The following C1orf146 variants were observed in gnomAD, a reference collection of about 807,000 sequenced individuals.
C1orf146 encodes the protein chromosome 1 open reading frame 146.
A neutral mutation model predicts 23.0 loss-of-function variants in C1orf146; 22 were observed. That is an observed-to-expected ratio of 0.96 (90% CI 0.68 to 1.36). C1orf146 has a LOEUF of 1.36. Ranked by LOEUF, C1orf146 falls within the 40% of genes most tolerant of loss-of-function variation. The probability of loss-of-function intolerance (pLI) is 0.00; values close to 1 mark genes in which losing one functional copy is unlikely to be tolerated. For synonymous variants in C1orf146, 59 were observed against 65.3 expected, an observed-to-expected ratio of 0.90 and a Z score of 0.47; for missense variants, 199 against 206.8, an observed-to-expected ratio of 0.96 and a Z score of 0.23.
At chr1:92,233,100 G>T (rs1652175144) in intron 2 of C1orf146, among the ~76,000 whole-genome samples, 1 of 152,140 alleles carries the variant, frequency 6.6e-6, no homozygotes, top group Admixed American at 6.5e-5. Context: ...CTGTGCAGAA[G>T]CTCTTTAGTT....
At chr1:92,243,956 GAA>G (rs35711025) in intron 3 of C1orf146, among the ~76,000 whole-genome samples, 3 of 137,318 alleles carry the variant, frequency 2.2e-5, no homozygotes, top group Admixed American at 7.3e-5. Flanking sequence ...CTTCATCTAG[GAA>G]AAAAAAAAAA....
In C1orf146 at chr1:92,226,399, GCA is replaced by G. The variant is rs368243079; in HGVS notation, c.-39-4968_-39-4967del. Among the ~76,000 whole-genome samples, 1,095 of 146,218 alleles carry G rather than the reference GCA, an allele frequency of 7.5e-3. 14 individuals are homozygous for G. Among genetic ancestry groups the G allele is most frequent in the African/African-American group, 0.025 (1,041 of 40,982 alleles). ...TACTCACATGCATACATGCACGCAT[GCA>G]CACACACACACACATACACACACAC... is the stretch of plus-strand genomic sequence containing the variant. On this transcript the variant is annotated intron_variant, in intron 1 of 5. Coordinates refer to ENST00000370375, the MANE Select transcript of C1orf146 (RefSeq NM_001012425.2).
intron 3 of C1orf146, among the ~76,000 whole-genome samples, chr1:92,243,000 G>A (rs978626836): frequency 6.6e-6 from 1 of 152,166 alleles, no homozygotes; most frequent in Non-Finnish European, 1.5e-5. Flanking sequence ...AAGTGGTATC[G>A]CCTCAAACTT....
chr1:92,229,539 T>A, intron 1 of C1orf146: 1 of 396,028 alleles, frequency 2.5e-6, no homozygotes, highest in Non-Finnish European at 5.0e-6. Flanking sequence ...TAACTTTTCT[T>A]GATTTGTGCT....
intron 1 of C1orf146, among the ~76,000 whole-genome samples, chr1:92,219,524 GA>G (rs1651770935): frequency 5.0e-5 from 1 of 19,968 alleles, no homozygotes; most frequent in Non-Finnish European, 1.1e-4. Flanking sequence ...TTTTTTTTAA[GA>G]CAGAGTCTCG....
intron 1 of C1orf146, chr1:92,229,288 A>G: frequency 9.0e-6 from 5 of 553,192 alleles, no homozygotes; most frequent in Non-Finnish European, 1.8e-5. Context: ...TCCACATCAC[A>G]CTTCATGATG....
chr1:92,244,934 C>G, intron 5 of C1orf146, 77 bp downstream of exon 5: 1 of 822,652 alleles, frequency 1.2e-6, no homozygotes, highest in Non-Finnish European at 2.0e-6. Context: ...CCCTTTTGAG[C>G]GAGACTGGCA....
At chr1:92,239,911 C>A (rs1331720024) in intron 2 of C1orf146, among the ~76,000 whole-genome samples, 1 of 152,160 alleles carries the variant, frequency 6.6e-6, no homozygotes, top group Non-Finnish European at 1.5e-5. Flanking sequence ...AACCCAACTC[C>A]TAAGGCATCT....
Position 92,244,764 on chromosome 1 carries a change from T to A in C1orf146, c.330-15T>A. 6.6e-7 allele frequency: 1 copy of A among 1,519,644 alleles called. No individual in the cohort carries two copies. Among genetic ancestry groups the A allele is most frequent in the Non-Finnish European group, 9.1e-7 (1 of 1,095,050 alleles). The allele number at this position is 1,519,644 out of a possible 1,614,324, so 94.1% of individuals were successfully genotyped here. ...AGCAAGTTATATGATCTGTATAACATGAATTGTTTTTCAGATTCCTGGGTT... is the reference window on the plus strand; with the variant it reads ...AGCAAGTTATATGATCTGTATAACAAGAATTGTTTTTCAGATTCCTGGGTT... On this transcript the variant is annotated splice_polypyrimidine_tract_variant and intron_variant, in intron 4 of 5. Coordinates refer to ENST00000370375, the MANE Select transcript of C1orf146 (RefSeq NM_001012425.2).
intron 1 of C1orf146, among the ~76,000 whole-genome samples, chr1:92,226,004 T>G (rs1223729302): frequency 6.6e-6 from 1 of 152,216 alleles, no homozygotes; most frequent in Non-Finnish European, 1.5e-5. Context: ...GACTGCTATT[T>G]AAAAAATTTT....
At chr1:92,235,299 G>C (rs990674165) in intron 2 of C1orf146, among the ~76,000 whole-genome samples, 2 of 152,054 alleles carry the variant, frequency 1.3e-5, no homozygotes, top group Non-Finnish European at 2.9e-5. Context: ...CAGAGATTCT[G>C]GTATGTTGCG....
intron 1 of C1orf146, among the ~76,000 whole-genome samples, chr1:92,227,953 G>T (rs773128387): frequency 6.6e-6 from 1 of 151,794 alleles, no homozygotes; most frequent in Non-Finnish European, 1.5e-5. Flanking sequence ...AATTGACTTG[G>T]CCACTCTATT....
At chr1:92,218,796 A>T (rs568117684) in intron 1 of C1orf146, among the ~76,000 whole-genome samples, 53 of 152,104 alleles carry the variant, frequency 3.5e-4, no homozygotes, top group Non-Finnish European at 6.6e-4. Context: ...TCAGGTGAGG[A>T]TGCAGCCTAA....
At position 92,223,264 on chromosome 1, in the gene C1orf146, A is replaced by G. The variant is rs1299893663; in HGVS notation, c.-40+5216A>G. ...TATTTTCCAAGTGCTTGTACCATAT[A>G]CTTTCCAATTAGTAGTGTATGAGAG... On this transcript the variant is annotated intron_variant, in intron 1 of 5. Transcript: ENST00000370375. 2.6e-5 allele frequency among the ~76,000 whole-genome samples: 4 copies of G among 152,316 alleles called. No individual in the cohort carries two copies. The East Asian group carries it at 7.7e-4, about 29-fold the overall frequency.
intron 2 of C1orf146, among the ~76,000 whole-genome samples, chr1:92,233,064 G>A (rs1304123930): frequency 6.6e-6 from 1 of 151,990 alleles, no homozygotes; most frequent in African/African-American, 2.4e-5. Context: ...TGGGTTGCCT[G>A]TTCACTCTGA....
At chr1:92,234,557 TTGG>T (rs1570793575) in intron 2 of C1orf146, among the ~76,000 whole-genome samples, 1 of 152,234 alleles carries the variant, frequency 6.6e-6, no homozygotes, top group Admixed American at 6.5e-5. Context: ...ATCAAGGATA[TTGG>T]TCTAAAATTC....
At chr1:92,245,432 A>G in intron 5 of C1orf146, 108 bp from the exon 6 acceptor site, 1 of 828,302 alleles carries the variant, frequency 1.2e-6, no homozygotes, top group Non-Finnish European at 1.9e-6. Flanking sequence ...TAGCACAAAG[A>G]TGATCAAGAG....
chr1:92,229,956 A>C (rs1652070299), intron 1 of C1orf146, among the ~76,000 whole-genome samples: 1 of 152,202 alleles, frequency 6.6e-6, no homozygotes, highest in South Asian at 2.1e-4. Context: ...CATGCTACTA[A>C]GTTTATGGTA....
At position 92,244,542 on chromosome 1, in the gene C1orf146, C is replaced by T. The variant is rs553649684; in HGVS notation, c.329+157C>T. ...TGGGCCAAATAGCTATTCTATGAAT[C>T]GAGGTGACAGGGTTCATGATGTTGC... is the stretch of plus-strand genomic sequence containing the variant. On this transcript the variant is annotated intron_variant, in intron 4 of 5. Coordinates refer to ENST00000370375, the MANE Select transcript of C1orf146 (RefSeq NM_001012425.2). 2.6e-5 allele frequency among the ~76,000 whole-genome samples: 4 copies of T among 152,266 alleles called. No homozygotes were observed. In the South Asian group the frequency reaches 6.2e-4, roughly 24 times the overall value.
Sources: gnomAD v4.1 joint callset for allele counts (sites outside exome capture counted in the v4.1 genomes callset) on GRCh38, gnomAD v4.1.1 for gene constraint, MANE v1.5 for transcripts, NCBI Gene and HGNC (gene_info 2026-07-23, HGNC 2026-07-21) for gene names.